Variants in BACH2 observed in about 807,000 individuals in gnomAD.
BACH2 encodes BACH transcriptional regulator 2.
BACH2 carries 5 observed loss-of-function variants against 61.8 expected under a neutral mutation model. The ratio of observed to expected loss-of-function variants is 0.08; its 90% CI spans 0.04 to 0.17. The LOEUF (loss-of-function observed/expected upper bound fraction) is 0.17, where lower values mean the gene tolerates loss of function less well. BACH2 is among the 10% of genes least tolerant of loss of function. The pLI, the probability that BACH2 is intolerant of heterozygous loss-of-function variation, is 1.00. For synonymous variants in BACH2, 446 were observed against 440.1 expected (o/e 1.01, Z -0.17); for missense variants, 824 against 1,091.1 (o/e 0.76, Z 3.45).
At chr6:90,095,802 C>T in intron 4 of BACH2, among the ~76,000 whole-genome samples, 1 of 152,126 alleles carries the variant, frequency 6.6e-6, no homozygotes, top group Non-Finnish European at 1.5e-5. Flanking sequence ...CCACTGCCGC[C>T]TTCATCATCT....
chr6:90,247,794 T>C (rs1562525281), intron 3 of BACH2, among the ~76,000 whole-genome samples: 1 of 152,168 alleles, frequency 6.6e-6, no homozygotes, highest in Admixed American at 6.5e-5. Context: ...TAGAATTTCC[T>C]CCCTCATAGC....
At chr6:90,116,601 C>CTACCT (rs1783411070) in intron 4 of BACH2, 1 of 214,938 alleles carries the variant, frequency 4.7e-6, no homozygotes, top group South Asian at 9.8e-5. Flanking sequence ...CATTTACCCC[C>CTACCT]AAACCTAAAA....
intron 5 of BACH2, among the ~76,000 whole-genome samples, chr6:90,087,632 A>G (rs1360273130): frequency 1.3e-5 from 2 of 152,182 alleles, no homozygotes; most frequent in Non-Finnish European, 2.9e-5. Context: ...GATGATTCAC[A>G]AAGTTTTTCA....
intron 5 of BACH2, among the ~76,000 whole-genome samples, chr6:90,066,416 A>G (rs1008973126): frequency 2.0e-5 from 3 of 152,154 alleles, no homozygotes; most frequent in African/African-American, 7.2e-5. Context: ...ATTTGAAGCT[A>G]TATGTTACTG....
At chr6:90,072,559 C>T (rs112516778) in intron 5 of BACH2, among the ~76,000 whole-genome samples, 3,322 of 152,296 alleles carry the variant, frequency 0.022, 50 homozygotes, top group Non-Finnish European at 0.031. Context: ...GGTCAAAGCT[C>T]GAGAAACCCT....
intron 4 of BACH2, among the ~76,000 whole-genome samples, chr6:90,167,004 T>C (rs1437722778): frequency 6.6e-6 from 1 of 152,150 alleles, no homozygotes; most frequent in Non-Finnish European, 1.5e-5. Context: ...CATGTATACA[T>C]ATGTAACTAA....
chr6:89,947,876 T>A (rs555354391), intron 7 of BACH2, among the ~76,000 whole-genome samples: 3 of 152,242 alleles, frequency 2.0e-5, no homozygotes, highest in Admixed American at 2.0e-4. Context: ...CAGCCATGGA[T>A]TCCTTTTTTA....
Position 89,950,505 on chromosome 6 carries a change from C to T in BACH2, c.1601G>A (p.Gly534Glu), listed in dbSNP as rs145638719. ...SSYSYAEDGS[G>E]GSPCSLPLCE... ...GAGAGGGAGGCTGCAGGGTGAGCCC[C>T]CGCTCCCGTCCTCCGCGTAGGAATA... Residue 534 changes from glycine (G) to glutamate (E), a missense_variant, in exon 7 of 9, where the codon GGG becomes GAG. Coordinates refer to ENST00000257749, the MANE Select transcript of BACH2 (RefSeq NM_021813.4). The surrounding 1 kb of genome is among the most constrained non-coding windows in gnomAD (Gnocchi z 5.3). 1 of 1,613,906 alleles carries T rather than the reference C, an allele frequency of 6.2e-7. No individual in the cohort carries two copies. The highest frequency in any genetic ancestry group is 8.5e-7 in the Non-Finnish European group (1 of 1,179,858).
chr6:89,988,017 C>T (rs751575052), intron 6 of BACH2, among the ~76,000 whole-genome samples: 5 of 152,152 alleles, frequency 3.3e-5, no homozygotes, highest in African/African-American at 7.2e-5. Flanking sequence ...ACACCTACTT[C>T]GATCTACTTC....
At chr6:89,936,918 C>T (rs1773061570) in intron 8 of BACH2, among the ~76,000 whole-genome samples, 1 of 152,070 alleles carries the variant, frequency 6.6e-6, no homozygotes, top group Non-Finnish European at 1.5e-5. Context: ...CTTCTTCAGC[C>T]TGACACAGAC....
intron 5 of BACH2, among the ~76,000 whole-genome samples, chr6:90,034,006 T>C (rs1346967804): frequency 6.6e-6 from 1 of 152,276 alleles, no homozygotes; most frequent in South Asian, 2.1e-4. Flanking sequence ...CATTTAGTAT[T>C]TTAGACAACT....
chr6:90,276,609 C>G (rs536901762), intron 1 of BACH2, among the ~76,000 whole-genome samples: 1 of 152,098 alleles, frequency 6.6e-6, no homozygotes, highest in Non-Finnish European at 1.5e-5. Flanking sequence ...CTACAGATTA[C>G]GCTAAGCAAA....
intron 4 of BACH2, among the ~76,000 whole-genome samples, chr6:90,099,917 T>G (rs1470798271): frequency 2.0e-5 from 3 of 152,182 alleles, no homozygotes; most frequent in Non-Finnish European, 4.4e-5. Flanking sequence ...CCTACACCCA[T>G]AGTAGTTACT....
intron 6 of BACH2, among the ~76,000 whole-genome samples, chr6:89,983,240 T>G (rs572418856): frequency 6.6e-6 from 1 of 152,276 alleles, no homozygotes; most frequent in East Asian, 1.9e-4. Flanking sequence ...AGTGCTTCTT[T>G]GTATTTATTC....
chr6:90,262,607 C>T (rs1771197976), intron 2 of BACH2, among the ~76,000 whole-genome samples: 1 of 152,152 alleles, frequency 6.6e-6, no homozygotes, highest in Non-Finnish European at 1.5e-5. Context: ...CAAAATTTGC[C>T]TCTGAAAAAC....
At chr6:90,029,435 C>A (rs1778831342) in intron 5 of BACH2, among the ~76,000 whole-genome samples, 1 of 152,140 alleles carries the variant, frequency 6.6e-6, no homozygotes, top group Admixed American at 6.5e-5. Context: ...AGTGAGGCCT[C>A]CCTAACCACC....
chr6:89,945,102 A>C (rs1429218630), intron 7 of BACH2, among the ~76,000 whole-genome samples: 1 of 152,206 alleles, frequency 6.6e-6, no homozygotes, highest in Non-Finnish European at 1.5e-5. Flanking sequence ...CCACTTTGGA[A>C]ACAGTCTAGT....
intron 5 of BACH2, among the ~76,000 whole-genome samples, chr6:90,064,588 C>T (rs1215193662): frequency 6.6e-6 from 1 of 152,154 alleles, no homozygotes; most frequent in African/African-American, 2.4e-5. Context: ...TAAGAAGAGG[C>T]TGGAAGCAGG....
intron 3 of BACH2, among the ~76,000 whole-genome samples, chr6:90,243,185 T>C (rs1478061619): frequency 6.6e-6 from 1 of 151,558 alleles, no homozygotes; most frequent in Admixed American, 6.6e-5. Flanking sequence ...TGAGCCAATG[T>C]GCCCGGCCCA....
Sources: gnomAD v4.1 joint callset for allele counts (sites outside exome capture counted in the v4.1 genomes callset) on GRCh38, gnomAD v4.1.1 for gene constraint, Gnocchi (gnomAD v3.1) non-coding constraint, MANE v1.5 for transcripts, NCBI Gene and HGNC (gene_info 2026-07-23, HGNC 2026-07-21) for gene names.